Variants in PCDHGB5 observed in about 807,000 individuals in gnomAD.
The protein encoded by PCDHGB5 is protocadherin gamma-B5.
In PCDHGB5, 48 loss-of-function variants were observed where a neutral mutation model predicts 62.9. That is an observed-to-expected ratio of 0.76 (90% CI 0.61 to 0.97). The LOEUF is 0.97. PCDHGB5 is among the 50% of genes least tolerant of loss of function. The pLI is 0.00. For synonymous variants in PCDHGB5, 474 were observed against 511.2 expected (o/e 0.93, Z 0.98); for missense variants, 1,118 against 1,198.6 (o/e 0.93, Z 0.99).
intron 2 of PCDHGB5, among the ~76,000 whole-genome samples, chr5:141,496,097 A>C (rs1329818315): frequency 6.6e-6 from 1 of 151,148 alleles, no homozygotes; most frequent in Non-Finnish European, 1.5e-5. Context: ...CCACCCACCA[A>C]CACCCCGCTC....
Position 141,399,890 on chromosome 5 carries a change from T to A in PCDHGB5, c.1763T>A (p.Val588Glu). 6.2e-7 allele frequency: 1 copy of A among 1,612,638 alleles called. No homozygotes were observed. Among genetic ancestry groups the A allele is most frequent in the South Asian group, 1.1e-5 (1 of 91,048 alleles). The change falls in exon 1 of 4, where the codon GTG (valine) becomes GAG (glutamate). Residue 588 changes from valine (V) to glutamate (E), a missense_variant. Physicochemically the swap from Val to Glu is moderately radical, Grantham distance 121. Coordinates refer to ENST00000617380, the MANE Select transcript of PCDHGB5 (RefSeq NM_018925.3). ...CCCGGCTACCTGGTGACCAAGGTAG[T>A]GGCCGTGGACGCAGACTCAGGACAC... The part of the protein sequence containing the change: ...AEPGYLVTKV[V>E]AVDADSGHNA...
intron 1 of PCDHGB5, chr5:141,427,047 C>T (rs1196561600): frequency 1.1e-5 from 5 of 457,294 alleles, no homozygotes; most frequent in Non-Finnish European, 1.8e-5. Flanking sequence ...GAATGTGCCC[C>T]CAGGCACCTC....
intron 1 of PCDHGB5, chr5:141,430,840 A>G: frequency 6.4e-7 from 1 of 1,565,876 alleles, no homozygotes; most frequent in East Asian, 2.2e-5. Flanking sequence ...GGGAGACCGG[A>G]TGCACCCAGA....
intron 1 of PCDHGB5, among the ~76,000 whole-genome samples, chr5:141,469,852 C>T (rs529924249): frequency 1.3e-4 from 20 of 152,054 alleles, no homozygotes; most frequent in African/African-American, 4.8e-4. Flanking sequence ...AGATTCAGAC[C>T]GGGTGCAATG....
rs766865642 is a variant in PCDHGB5, at chr5:141,400,084, A to G, written c.1957A>G (p.Thr653Ala). 34 of 1,613,852 alleles carry G rather than the reference A, an allele frequency of 2.1e-5. No homozygotes were observed. The highest frequency in any genetic ancestry group is 2.0e-4 in the Admixed American group (12 of 60,006). The change falls in exon 1 of 4, where the codon ACC (threonine) becomes GCC (alanine). Residue 653 changes from threonine (T) to alanine (A), a missense_variant. Thr to Ala is a moderately conservative substitution (Grantham distance 58, BLOSUM62 0). Transcript: ENST00000617380. ...RDGGQPPLSATATLHLVFADS... is the reference protein window; with the variant it reads ...RDGGQPPLSAAATLHLVFADS... The stretch of plus-strand genomic sequence containing the variant: ...TGGTGGACAGCCGCCACTCTCCGCC[A>G]CCGCCACGCTGCACTTGGTCTTTGC...
intron 1 of PCDHGB5, among the ~76,000 whole-genome samples, chr5:141,443,560 G>A (rs2098394386): frequency 6.6e-6 from 1 of 152,162 alleles, no homozygotes; most frequent in Non-Finnish European, 1.5e-5. Context: ...CAATTCAAAT[G>A]CTTTAAATGG....
At position 141,485,443 on chromosome 5, in the gene PCDHGB5, C is replaced by A. The variant is rs2099613637; in HGVS notation, c.2398-9364C>A. 5 of 1,614,054 alleles carry A rather than the reference C, an allele frequency of 3.1e-6. No individual in the cohort carries two copies. The East Asian group carries it at 6.7e-5, about 22-fold the overall frequency. ...GAGCCCTGCTCATCAAGAACCCAAT[C>A]GACCGAGAGGCACTGTGTGGGCTCA... On this transcript the variant is annotated intron_variant, in intron 1 of 3. Coordinates refer to ENST00000617380, the MANE Select transcript of PCDHGB5 (RefSeq NM_018925.3). This position sits in a 1 kb window ranked among gnomAD's most constrained non-coding sequence, Gnocchi z 5.7.
chr5:141,428,050 T>C (rs1222417053), intron 1 of PCDHGB5: 1 of 1,608,844 alleles, frequency 6.2e-7, no homozygotes, highest in Non-Finnish European at 8.5e-7. Flanking sequence ...GTGACCAAGG[T>C]GGTGGCGGTG....
chr5:141,495,077 C>T (rs1237589417), intron 2 of PCDHGB5, among the ~76,000 whole-genome samples: 4 of 152,180 alleles, frequency 2.6e-5, no homozygotes, highest in African/African-American at 9.7e-5. Flanking sequence ...AATTCACATG[C>T]TTGCCCCTTC....
intron 1 of PCDHGB5, among the ~76,000 whole-genome samples, chr5:141,481,761 G>A (rs984825493): frequency 2.6e-5 from 4 of 152,234 alleles, no homozygotes; most frequent in Non-Finnish European, 2.9e-5. Context: ...AGACCAGCCT[G>A]GCCAACATGG....
Position 141,418,592 on chromosome 5 carries a change from G to A in PCDHGB5, c.2397+18068G>A, listed in dbSNP as rs772314584. Reference sequence around the variant, plus strand: ...TGACAACCCCCCAGTGTTCAGCCAGGACGTGTACAGGGTTAGCCTTCGGGA... The same window carrying A: ...TGACAACCCCCCAGTGTTCAGCCAGAACGTGTACAGGGTTAGCCTTCGGGA... On this transcript the variant is annotated intron_variant, in intron 1 of 3. Transcript: ENST00000617380. 18 of 1,614,020 alleles carry A rather than the reference G, an allele frequency of 1.1e-5. No homozygotes were observed. The highest frequency in any genetic ancestry group is 1.5e-5 in the Non-Finnish European group (18 of 1,179,902).
At chr5:141,421,878 T>C (rs1364225081) in intron 1 of PCDHGB5, 1 of 1,613,612 alleles carries the variant, frequency 6.2e-7, no homozygotes, top group African/African-American at 1.3e-5. Context: ...CAGCTTTAGA[T>C]GGAGGCGATC....
At chr5:141,415,476 G>C in intron 1 of PCDHGB5, 1 of 1,614,194 alleles carries the variant, frequency 6.2e-7, no homozygotes, top group Non-Finnish European at 8.5e-7. Context: ...CCGCGGACTC[G>C]CGAAAGAGTC....
chr5:141,481,053 A>T (rs2099530801), intron 1 of PCDHGB5, among the ~76,000 whole-genome samples: 1 of 152,104 alleles, frequency 6.6e-6, no homozygotes, highest in Non-Finnish European at 1.5e-5. Flanking sequence ...GCGAGACTCC[A>T]CCTCAAAAAC....
intron 1 of PCDHGB5, chr5:141,413,001 G>A (rs2095597089): frequency 1.7e-6 from 1 of 592,790 alleles, no homozygotes; most frequent in Non-Finnish European, 2.8e-6. Flanking sequence ...CGGATTCTCA[G>A]GGCTTCAACT....
At chr5:141,428,088 C>G (rs761980796) in intron 1 of PCDHGB5, 5 of 1,608,920 alleles carry the variant, frequency 3.1e-6, no homozygotes, top group Non-Finnish European at 4.2e-6. Context: ...CAACGCTTGG[C>G]TGTCCTACCA....
chr5:141,451,414 A>G (rs934393544), intron 1 of PCDHGB5, among the ~76,000 whole-genome samples: 2 of 152,108 alleles, frequency 1.3e-5, no homozygotes, highest in African/African-American at 2.4e-5. Flanking sequence ...TTCCTTGTGG[A>G]TTGTTAGACT....
chr5:141,422,061 A>G (rs1215523341), intron 1 of PCDHGB5: 3 of 1,612,074 alleles, frequency 1.9e-6, no homozygotes, highest in Non-Finnish European at 2.5e-6. Flanking sequence ...ACGGGGAAGT[A>G]ATGTATTCAT....
At chr5:141,492,026 G>T in intron 1 of PCDHGB5, 1 of 567,198 alleles carries the variant, frequency 1.8e-6, no homozygotes, top group Non-Finnish European at 3.0e-6. Flanking sequence ...GGGGTCCCGG[G>T]AGGAGGCAGT....
Sources: gnomAD v4.1 joint callset for allele counts (sites outside exome capture counted in the v4.1 genomes callset) on GRCh38, gnomAD v4.1.1 for gene constraint, Gnocchi (gnomAD v3.1) non-coding constraint, MANE v1.5 for transcripts, NCBI Gene and HGNC (gene_info 2026-07-23, HGNC 2026-07-21) for gene names.